The following LSM8 variants were observed in gnomAD, a reference collection of about 807,000 sequenced individuals.
The protein encoded by LSM8 is LSM8 U6 small nuclear RNA associated.
A neutral mutation model predicts 15.0 loss-of-function variants in LSM8; 14 were observed. That is an observed-to-expected ratio of 0.93 (90% CI 0.62 to 1.46). The LOEUF (loss-of-function observed/expected upper bound fraction) is 1.46. LSM8 is among the 40% of genes most tolerant of loss of function. The pLI is 0.00. For synonymous variants in LSM8, 50 were observed against 42.1 expected (o/e 1.19, Z -0.73); for missense variants, 90 against 115.4 (o/e 0.78, Z 1.01).
At chr7:118,186,634 C>T (rs1808894227) in intron 2 of LSM8, among the ~76,000 whole-genome samples, 1 of 152,130 alleles carries the variant, frequency 6.6e-6, no homozygotes, top group African/African-American at 2.4e-5. Flanking sequence ...CCCCTGTATT[C>T]TAGATTAGGA....
rs1440660222 is a variant in LSM8, at chr7:118,198,872, T to G, written c.*6870T>G. Reference sequence around the variant, plus strand: ...GTATGCCTGAGACCATAGGCCTTGCTGTTACAGTTTAAGCTCTGGGAAACG... The same window carrying G: ...GTATGCCTGAGACCATAGGCCTTGCGGTTACAGTTTAAGCTCTGGGAAACG... On this transcript the variant is annotated 3_prime_UTR_variant, in exon 4 of 4. Coordinates refer to ENST00000249299, the MANE Select transcript of LSM8 (RefSeq NM_016200.5). 1.3e-5 allele frequency among the ~76,000 whole-genome samples: 2 copies of G among 152,212 alleles called. No individual in the cohort carries two copies. The highest frequency in any genetic ancestry group is 4.8e-5 in the African/African-American group (2 of 41,452).
At chr7:118,190,087 G>A (rs1215744724) in intron 3 of LSM8, 4 of 152,132 alleles carry the variant, frequency 2.6e-5, no homozygotes, top group African/African-American at 9.7e-5. Flanking sequence ...ACAAATTCTA[G>A]GGGACTAACT....
At position 118,200,334 on chromosome 7, in the gene LSM8, A is replaced by G. The variant is rs1809151444; in HGVS notation, c.*8332A>G. On this transcript the variant is annotated 3_prime_UTR_variant, in exon 4 of 4. Coordinates refer to ENST00000249299, the MANE Select transcript of LSM8 (RefSeq NM_016200.5). ...GCAGAACTTGCTGAATTTGAAGACT[A>G]TTAATGATGCAGCTCTCACTGGTAC... Among the ~76,000 whole-genome samples, 1 of 150,814 alleles carries G rather than the reference A, an allele frequency of 6.6e-6. No individual in the cohort carries two copies. The highest frequency in any genetic ancestry group is 1.5e-5 in the Non-Finnish European group (1 of 67,260).
intron 2 of LSM8, 152 bp downstream of exon 2, chr7:118,185,846 C>A: frequency 1.5e-6 from 1 of 663,494 alleles, no homozygotes; most frequent in Non-Finnish European, 2.5e-6. Flanking sequence ...TGCTGTCAAT[C>A]CATGTTTTCC....
chr7:118,188,538 A>G (rs1028011796), intron 3 of LSM8, 133 bp downstream of exon 3: 10 of 791,314 alleles, frequency 1.3e-5, no homozygotes, highest in African/African-American at 7.1e-5. Flanking sequence ...TTTCGTAAAT[A>G]TACCTTTTCT....
intron 2 of LSM8, among the ~76,000 whole-genome samples, chr7:118,186,484 T>C (rs958430855): frequency 3.9e-5 from 6 of 152,252 alleles, no homozygotes; most frequent in Non-Finnish European, 7.3e-5. Context: ...TTTTAAGCCT[T>C]GTGATTTTTT....
At chr7:118,187,832 A>G (rs977871431) in intron 2 of LSM8, among the ~76,000 whole-genome samples, 2 of 152,226 alleles carry the variant, frequency 1.3e-5, no homozygotes, top group African/African-American at 4.8e-5. Flanking sequence ...TGTTTAGCAC[A>G]CTGCCTAGTG....
chr7:118,185,515 T>G, intron 1 of LSM8, 139 bp from the exon 2 acceptor site: 1 of 736,192 alleles, frequency 1.4e-6, no homozygotes, highest in Non-Finnish European at 2.3e-6. Context: ...TTAACGTTTT[T>G]ATGTAGTGAA....
In LSM8 at chr7:118,199,978, G is replaced by T. The variant is rs995574500; in HGVS notation, c.*7976G>T. Among the ~76,000 whole-genome samples, 2 of 152,116 alleles carry T rather than the reference G, an allele frequency of 1.3e-5. No individual in the cohort carries two copies. The highest frequency in any genetic ancestry group is 1.3e-4 in the Admixed American group (2 of 15,238). On this transcript the variant is annotated 3_prime_UTR_variant, in exon 4 of 4. Transcript: ENST00000249299. ...AAAAACAGAGCTTAACAAAGGACTGGATGTTTTAGTTTGACAGCAGTGTCT... is the reference window on the plus strand; with the variant it reads ...AAAAACAGAGCTTAACAAAGGACTGTATGTTTTAGTTTGACAGCAGTGTCT...
rs1190425149 is a variant in LSM8, at chr7:118,196,759, CT to C, written c.*4759del. 2.9e-5 allele frequency among the ~76,000 whole-genome samples: 4 copies of C among 139,632 alleles called. No individual in the cohort carries two copies. Among genetic ancestry groups the C allele is most frequent in the African/African-American group, 7.9e-5 (3 of 38,046 alleles). 91.6% of individuals were successfully genotyped at this position (139,632 alleles called of 152,430 possible). A position where few individuals can be genotyped will look rare whatever the true frequency, so the allele number is the denominator to read the frequency against. On this transcript the variant is annotated 3_prime_UTR_variant, in exon 4 of 4. Transcript: ENST00000249299. ...TTATTTATTTATTTTTGAGACACTTCTTGCTCTTTCGCCAGGCTGGAGTGCA... is the reference window on the plus strand; with the variant it reads ...TTATTTATTTATTTTTGAGACACTTCTGCTCTTTCGCCAGGCTGGAGTGCA...
At chr7:118,185,899 C>G (rs1808881540) in intron 2 of LSM8, among the ~76,000 whole-genome samples, 1 of 152,124 alleles carries the variant, frequency 6.6e-6, no homozygotes, top group South Asian at 2.1e-4. Context: ...TTTCTCGGAG[C>G]TAGAATAATA....
chr7:118,200,579 A>T lies in LSM8; in HGVS notation c.*8577A>T, dbSNP rs534396511. On this transcript the variant is annotated 3_prime_UTR_variant, in exon 4 of 4. Transcript: ENST00000249299. ...TTATTTAAATGCGGAGAACATGGCT[A>T]ACCATTCAGGACCATTTAATTATCA... is the stretch of plus-strand genomic sequence containing the variant. 5.8e-4 allele frequency among the ~76,000 whole-genome samples: 88 copies of T among 152,260 alleles called. No homozygotes were observed. Among genetic ancestry groups the T allele is most frequent in the African/African-American group, 2.0e-3 (85 of 41,570 alleles).
chr7:118,184,536 C>CTTACTAT, intron 1 of LSM8: 1 of 348,100 alleles, frequency 2.9e-6, no homozygotes, highest in East Asian at 4.7e-5. Flanking sequence ...TTGATTCTTA[C>CTTACTAT]TTACTATTTC....
At chr7:118,190,485 A>G (rs1808959822) in intron 3 of LSM8, 1 of 152,138 alleles carries the variant, frequency 6.6e-6, no homozygotes, top group African/African-American at 2.4e-5. Context: ...TGGTTAATTG[A>G]TGTCTTGTTA....
At position 118,203,363 on chromosome 7, in the gene LSM8, A is replaced by G. The variant is rs1268045572; in HGVS notation, c.*11361A>G. Among the ~76,000 whole-genome samples the G allele has an allele frequency of 3.4e-4, 52 of 151,866 alleles. No individual in the cohort carries two copies. On this transcript the variant is annotated 3_prime_UTR_variant, in exon 4 of 4. Coordinates refer to ENST00000249299, the MANE Select transcript of LSM8 (RefSeq NM_016200.5). Reference sequence around the variant, plus strand: ...AAGATACTAATATTTCTGATATCATATAGGAGTAAAAATTGCGGGGAGGTC... The same window carrying G: ...AAGATACTAATATTTCTGATATCATGTAGGAGTAAAAATTGCGGGGAGGTC...
At position 118,198,221 on chromosome 7, in the gene LSM8, A is replaced by G. The variant is rs1809112441; in HGVS notation, c.*6219A>G. Among the ~76,000 whole-genome samples, 1 of 152,192 alleles carries G rather than the reference A, an allele frequency of 6.6e-6. No individual in the cohort carries two copies. The highest frequency in any genetic ancestry group is 1.5e-5 in the Non-Finnish European group (1 of 68,032). On this transcript the variant is annotated 3_prime_UTR_variant, in exon 4 of 4. Transcript: ENST00000249299. The stretch of plus-strand genomic sequence containing the variant: ...GTACAGAAAGGAGCAACCAGAGTCA[A>G]AGTGATTAAGTTATAAAAAGGTTAG...
rs975250498 is a variant in LSM8 at position 118,193,656 on chromosome 7, A to G, written c.*1654A>G. On this transcript the variant is annotated 3_prime_UTR_variant, in exon 4 of 4. Coordinates refer to ENST00000249299, the MANE Select transcript of LSM8 (RefSeq NM_016200.5). ...ATGATGGAAAGTGGGTAAGGCAAAC[A>G]GGCAAATTTAGGGACTGTGAATGAA... Among the ~76,000 whole-genome samples, 1 of 152,130 alleles carries G rather than the reference A, an allele frequency of 6.6e-6. No homozygotes were observed. The highest frequency in any genetic ancestry group is 1.5e-5 in the Non-Finnish European group (1 of 67,974).
In LSM8 at chr7:118,194,934, G is replaced by A. The variant is rs1809055022; in HGVS notation, c.*2932G>A. On this transcript the variant is annotated 3_prime_UTR_variant, in exon 4 of 4. Coordinates refer to ENST00000249299, the MANE Select transcript of LSM8 (RefSeq NM_016200.5). The stretch of plus-strand genomic sequence containing the variant: ...AGGGTCAAGTGACTTGTAAGAGGTA[G>A]CACTAGTAAGTAACAGTGCTCAAAT... Among the ~76,000 whole-genome samples, 2 of 152,152 alleles carry A rather than the reference G, an allele frequency of 1.3e-5. No individual in the cohort carries two copies. The highest frequency in any genetic ancestry group is 1.3e-4 in the Admixed American group (2 of 15,270).
At position 118,200,714 on chromosome 7, in the gene LSM8, A is replaced by G. The variant is rs556601148; in HGVS notation, c.*8712A>G. ...TAATTGATAAATCACATTGTACTTT[A>G]TAAGAGTTTATTCCTTAAGTGTTTG... is the stretch of plus-strand genomic sequence containing the variant. On this transcript the variant is annotated 3_prime_UTR_variant, in exon 4 of 4. Coordinates refer to ENST00000249299, the MANE Select transcript of LSM8 (RefSeq NM_016200.5). 6.6e-6 allele frequency among the ~76,000 whole-genome samples: 1 copy of G among 152,220 alleles called. No individual in the cohort carries two copies. The highest frequency in any genetic ancestry group is 6.6e-5 in the Admixed American group (1 of 15,250).
Sources: allele counts gnomAD v4.1 joint callset (sites outside exome capture counted in the v4.1 genomes callset), GRCh38; gene constraint gnomAD v4.1.1; transcripts MANE v1.5; gene names NCBI Gene and HGNC (gene_info 2026-07-23, HGNC 2026-07-21).